Variants in IRF8 observed in about 807,000 individuals in gnomAD.
The protein encoded by IRF8 is interferon regulatory factor 8, also known as interferon consensus sequence binding protein 1.
Under a neutral mutation model 48.7 loss-of-function variants are expected in IRF8, and 14 were observed. The observed-to-expected ratio is 0.29, with a 90% CI of 0.19 to 0.45. IRF8 has a LOEUF of 0.45. IRF8 is among the 20% of genes least tolerant of loss of function. The pLI is 1.00. For synonymous variants in IRF8, 278 were observed against 227.3 expected, an observed-to-expected ratio of 1.22 and a Z score of -2.01; for missense variants, 493 against 580.7, an observed-to-expected ratio of 0.85 and a Z score of 1.55.
chr16:85,921,920 G>A lies in IRF8; in HGVS notation c.*638G>A, dbSNP rs762495625. On this transcript the variant is annotated 3_prime_UTR_variant, in exon 9 of 9. Transcript: ENST00000268638. Reference sequence around the variant, plus strand: ...GCAAACGGGTGTGTTTTTATCTTCAGACAATGAAACCTTCTCCTCTGGGGC... The same window carrying A: ...GCAAACGGGTGTGTTTTTATCTTCAAACAATGAAACCTTCTCCTCTGGGGC... 1 of 152,798 alleles carries A rather than the reference G, an allele frequency of 6.5e-6. No individual in the cohort carries two copies. Among genetic ancestry groups the A allele is most frequent in the Non-Finnish European group, 1.5e-5 (1 of 68,410 alleles). 9.5% of individuals were successfully genotyped at this position (152,798 alleles called of 1,614,324 possible).
rs202107230 is a variant in IRF8, at chr16:85,918,680, G to A, written c.865G>A (p.Val289Ile). The A allele has an allele frequency of 2.0e-5, 33 of 1,611,420 alleles. No homozygotes were observed. The highest frequency in any genetic ancestry group is 1.6e-4 in the East Asian group (7 of 44,896). ...LLHSSRQGVF[V>I]KRLCQGRVFC... ...GCACAGCAGCCGGCAGGGCGTGTTC[G>A]TCAAGCGGCTGTGCCAGGGCCGCGT... The change falls in exon 7 of 9, where the codon GTC becomes ATC. Residue 289 changes from valine (V) to isoleucine (I), a missense_variant. Val to Ile is a conservative substitution (Grantham distance 29). Transcript: ENST00000268638.
In IRF8 at chr16:85,920,062, G is replaced by C. The variant is rs199800388; in HGVS notation, c.989-47G>C. On this transcript the variant is annotated intron_variant, in intron 7 of 8. Coordinates refer to ENST00000268638, the MANE Select transcript of IRF8 (RefSeq NM_002163.4). ...AGCCCTGCTGCTGCGGGAGTTGGAG[G>C]TCATCTCGGCCTTGCTTGCAAACAC... 1.5e-5 allele frequency: 21 copies of C among 1,385,330 alleles called. No homozygotes were observed. In the East Asian group the frequency reaches 4.8e-4, roughly 32 times the overall value. The allele number at this position is 1,385,330 out of a possible 1,614,324, so 85.8% of individuals were successfully genotyped here.
At chr16:85,908,112 GA>G (rs1325068088) in intron 2 of IRF8, among the ~76,000 whole-genome samples, 1 of 152,258 alleles carries the variant, frequency 6.6e-6, no homozygotes, top group African/African-American at 2.4e-5. Flanking sequence ...GCATTTTCCT[GA>G]ATGGGATCGG....
chr16:85,915,629 G>C (rs1013068046), intron 6 of IRF8, among the ~76,000 whole-genome samples: 1 of 152,234 alleles, frequency 6.6e-6, no homozygotes. Flanking sequence ...CTGTTCTTGA[G>C]GCCTCCTTGT....
chr16:85,914,407 A>AT, intron 5 of IRF8, 66 bp from the exon 6 acceptor site: 1 of 1,594,020 alleles, frequency 6.3e-7, no homozygotes, highest in South Asian at 1.1e-5. Flanking sequence ...AGAAGGAGCG[A>AT]TTGGGGTTAC....
At chr16:85,901,166 A>C (rs1904815544) in intron 1 of IRF8, 1 of 152,150 alleles carries the variant, frequency 6.6e-6, no homozygotes, top group African/African-American at 2.4e-5. Context: ...CCCTCTCCCA[A>C]GTCTGTCCCT....
At chr16:85,900,575 T>C (rs1049488500) in intron 1 of IRF8, among the ~76,000 whole-genome samples, 4 of 152,216 alleles carry the variant, frequency 2.6e-5, no homozygotes, top group Non-Finnish European at 5.9e-5. Context: ...AACTATGGCT[T>C]TTCTCTGCAC....
intron 4 of IRF8, among the ~76,000 whole-genome samples, chr16:85,912,622 A>G (rs1905178644): frequency 6.6e-6 from 1 of 152,214 alleles, no homozygotes; most frequent in Non-Finnish European, 1.5e-5. Context: ...TGAGAGAGTG[A>G]GATAATCGGA....
chr16:85,909,790 C>G (rs906905674), intron 3 of IRF8: 29 of 156,310 alleles, frequency 1.9e-4, no homozygotes, highest in African/African-American at 7.0e-4. Context: ...AAGTACTGAG[C>G]TGGGATCTGG....
chr16:85,917,078 C>T (rs1468387202), intron 6 of IRF8, among the ~76,000 whole-genome samples: 1 of 152,068 alleles, frequency 6.6e-6, no homozygotes, highest in Non-Finnish European at 1.5e-5. Flanking sequence ...GAGCAGAGCC[C>T]AATGGGAGGG....
At chr16:85,916,373 C>G (rs1343502827) in intron 6 of IRF8, among the ~76,000 whole-genome samples, 1 of 152,208 alleles carries the variant, frequency 6.6e-6, no homozygotes, top group East Asian at 1.9e-4. Context: ...GTGGTCAGGC[C>G]GTTCCCCAGC....
chr16:85,911,598 C>T lies in IRF8; in HGVS notation c.387C>T (p.Cys129=), dbSNP rs16939941. Residue 129 remains cysteine, a synonymous_variant, in exon 4 of 9, where the codon TGC becomes TGT. Transcript: ENST00000268638. ...AACTAGGCGTGGCAACTGCTGGCTG[C>T]GTGAATGAAGTTACAGAGATGGAGT... ...KCKLGVATAG[C]VNEVTEMECG... The T allele has an allele frequency of 2.3e-3, 3,774 of 1,614,002 alleles. 89 individuals are homozygous for T. The African/African-American group carries it at 0.044, about 19-fold the overall frequency.
At chr16:85,900,729 C>G (rs1904801621) in intron 1 of IRF8, among the ~76,000 whole-genome samples, 1 of 152,202 alleles carries the variant, frequency 6.6e-6, no homozygotes, top group African/African-American at 2.4e-5. Flanking sequence ...TAGATGATTT[C>G]TAAAGTATTT....
At chr16:85,908,638 C>G (rs1352787816) in intron 2 of IRF8, among the ~76,000 whole-genome samples, 1 of 152,196 alleles carries the variant, frequency 6.6e-6, no homozygotes, top group East Asian at 1.9e-4. Flanking sequence ...ATGCAACTTC[C>G]TCTTTGTGCT....
intron 3 of IRF8, among the ~76,000 whole-genome samples, chr16:85,910,417 A>G (rs79780041): frequency 0.024 from 3,705 of 152,258 alleles, 168 homozygotes; most frequent in African/African-American, 0.084. Flanking sequence ...AAACCTCTAT[A>G]TAATAGTCTG....
intron 5 of IRF8, chr16:85,913,939 C>A: frequency 5.6e-6 from 1 of 177,676 alleles, no homozygotes; most frequent in South Asian, 1.2e-4. Flanking sequence ...TGTTTGCTTC[C>A]TCCCTCGGCG....
intron 2 of IRF8, among the ~76,000 whole-genome samples, chr16:85,906,007 G>C (rs1904990105): frequency 6.6e-6 from 1 of 152,140 alleles, no homozygotes; most frequent in Non-Finnish European, 1.5e-5. Context: ...GGCCCTGATA[G>C]CAACTCATTT....
Position 85,903,230 on chromosome 16 carries a change from C to G in IRF8, c.174+41C>G, listed in dbSNP as rs191501756. 6.6e-6 allele frequency: 10 copies of G among 1,515,350 alleles called. No homozygotes were observed. In the East Asian group the frequency reaches 2.3e-4, roughly 34 times the overall value. The allele number at this position is 1,515,350 out of a possible 1,614,324, so 93.9% of individuals were successfully genotyped here. ...CCCTTCCCCACTGTGGGCACAGTGT[C>G]TCCTTTCCCTCATGGACTAGTGGAG... On this transcript the variant is annotated intron_variant, in intron 2 of 8. Transcript: ENST00000268638.
chr16:85,918,030 G>A (rs9934699), intron 6 of IRF8, among the ~76,000 whole-genome samples: 34,034 of 152,120 alleles, frequency 0.22, 6,220 homozygotes, highest in East Asian at 0.54. Context: ...GCAGCAGACC[G>A]CAGTGCCCTT....
Sources: gnomAD v4.1 joint callset for allele counts (sites outside exome capture counted in the v4.1 genomes callset) on GRCh38, gnomAD v4.1.1 for gene constraint, MANE v1.5 for transcripts, NCBI Gene and HGNC (gene_info 2026-07-23, HGNC 2026-07-21) for gene names.